Variants in BRF1 observed in about 807,000 individuals in gnomAD.
BRF1 encodes the protein transcription factor IIIB 90 kDa subunit.
Under a neutral mutation model 81.7 loss-of-function variants are expected in BRF1, and 59 were observed. That is an observed-to-expected ratio of 0.72 (90% CI 0.59 to 0.90). BRF1 has a LOEUF of 0.90. BRF1 is among the 40% of genes least tolerant of loss of function. The probability of loss-of-function intolerance (pLI) is 0.00; values close to 1 mark genes in which losing one functional copy is unlikely to be tolerated. For missense variants in BRF1, 1,050 were observed against 936.3 expected, an observed-to-expected ratio of 1.12 and a Z score of -1.58; for synonymous variants, 491 against 395.6, an observed-to-expected ratio of 1.24 and a Z score of -2.86.
rs1891800795 is a variant in BRF1, at chr14:105,219,016, G to A, written c.1497C>T (p.Gly499=). The A allele has an allele frequency of 1.2e-6, 2 of 1,613,768 alleles. No homozygotes were observed. Among genetic ancestry groups the A allele is most frequent in the Admixed American group, 1.7e-5 (1 of 60,002 alleles). ...CGCCCACCTTGTGTTCCTTGTAGAT[G>A]CCGAGCTCCTTCTCTTTCGCTATTC... ...EARIAKEKEL[G]IYKEHKPKKS... The change falls in exon 14 of 18, where the codon GGC becomes GGT. Residue 499 remains glycine, a synonymous_variant. Transcript: ENST00000547530.
upstream of BRF1, among the ~76,000 whole-genome samples, chr14:105,304,361 G>A (rs1046205191): frequency 9.9e-5 from 15 of 152,126 alleles, no homozygotes; most frequent in Non-Finnish European, 1.5e-4. Flanking sequence ...GATGGTGGGC[G>A]CCTGTAGTTC....
At chr14:105,277,799 G>C (rs1459458455) in intron 2 of BRF1, among the ~76,000 whole-genome samples, 1 of 152,176 alleles carries the variant, frequency 6.6e-6, no homozygotes, top group Non-Finnish European at 1.5e-5. Flanking sequence ...CTGTCACCCA[G>C]GCTAGAGTGC....
At chr14:105,266,973 G>A (rs2056444851) in intron 3 of BRF1, among the ~76,000 whole-genome samples, 1 of 152,056 alleles carries the variant, frequency 6.6e-6, no homozygotes, top group Admixed American at 6.6e-5. Context: ...AGCCTGGGAG[G>A]CAGAAGCTGC....
rs768148272 is a variant in BRF1 at position 105,226,170 on chromosome 14, A to G, written c.956-9T>C. On this transcript the variant is annotated splice_polypyrimidine_tract_variant and intron_variant, in intron 9 of 17. Transcript: ENST00000547530. ...GTAACTGGATATTTCACCTGAAGTC[A>G]TAAGTTAAAAGCAAAAAGTCAGCAT... 8 of 1,613,920 alleles carry G rather than the reference A, an allele frequency of 5.0e-6. No individual in the cohort carries two copies. The highest frequency in any genetic ancestry group is 4.5e-5 in the East Asian group (2 of 44,898).
At chr14:105,241,551 G>C in intron 5 of BRF1, 137 bp from the exon 6 acceptor site, 1 of 1,139,078 alleles carries the variant, frequency 8.8e-7, no homozygotes, top group Non-Finnish European at 1.2e-6. Flanking sequence ...CCCCTCCCCT[G>C]GACAAAGCCT....
chr14:105,248,958 G>A lies in BRF1; in HGVS notation c.544+3549C>T, dbSNP rs913970642. ...CGGCGCCGCCGTGGGCAGGAAGGCC[G>A]GGCCGCGCAGCCCGCCCAGCGCCCC... On this transcript the variant is annotated intron_variant, in intron 5 of 17. Transcript: ENST00000547530. The A allele has an allele frequency of 7.1e-6, 7 of 980,530 alleles. No individual in the cohort carries two copies. In the African/African-American group the frequency reaches 1.1e-4, roughly 15 times the overall value. 60.7% of individuals were successfully genotyped at this position (980,530 alleles called of 1,614,324 possible).
At chr14:105,253,602 C>T (rs756273409) in intron 4 of BRF1, among the ~76,000 whole-genome samples, 2 of 152,210 alleles carry the variant, frequency 1.3e-5, no homozygotes, top group African/African-American at 2.4e-5. Flanking sequence ...GTCCTGTCTG[C>T]GCTAGAGGCA....
chr14:105,241,767 G>T (rs587741632), intron 5 of BRF1: 13 of 307,686 alleles, frequency 4.2e-5, no homozygotes, highest in Middle Eastern at 2.1e-3. Context: ...ACGGTCCGGG[G>T]ACTCTTAGAG....
At chr14:105,265,054 G>GTTTTTTTTTT (rs587673120) in intron 3 of BRF1, among the ~76,000 whole-genome samples, 3 of 130,140 alleles carry the variant, frequency 2.3e-5, no homozygotes, top group Non-Finnish European at 1.6e-5. Context: ...CCTTTTTTTT[G>GTTTTTTTTTT]TTTTTTTTTT....
intron 2 of BRF1, among the ~76,000 whole-genome samples, chr14:105,285,908 A>G (rs896172298): frequency 1.3e-5 from 2 of 152,238 alleles, no homozygotes; most frequent in African/African-American, 4.8e-5. Flanking sequence ...TTTCAACTCA[A>G]TCATAAGACA....
intron 3 of BRF1, among the ~76,000 whole-genome samples, chr14:105,265,054 G>GTTT (rs587673120): frequency 0.012 from 1,558 of 129,692 alleles, 91 homozygotes; most frequent in African/African-American, 0.026. Context: ...CCTTTTTTTT[G>GTTT]TTTTTTTTTT....
chr14:105,262,246 A>T (rs1566846586), intron 3 of BRF1, among the ~76,000 whole-genome samples: 1 of 152,028 alleles, frequency 6.6e-6, no homozygotes, highest in Non-Finnish European at 1.5e-5. Context: ...ACCCATCAAG[A>T]CCCAGGGCCT....
At chr14:105,292,198 G>C (rs1296955471) in intron 1 of BRF1, among the ~76,000 whole-genome samples, 1 of 151,748 alleles carries the variant, frequency 6.6e-6, no homozygotes, top group African/African-American at 2.4e-5. Context: ...TTTTTTTGAA[G>C]ACAAGACAGA....
chr14:105,268,038 G>A (rs887121658), intron 3 of BRF1, among the ~76,000 whole-genome samples: 1 of 152,054 alleles, frequency 6.6e-6, no homozygotes, highest in Non-Finnish European at 1.5e-5. Context: ...CGTGGGGACA[G>A]GTGATGGCAC....
Position 105,283,301 on chromosome 14 carries a change from C to T in BRF1, c.265+2995G>A, listed in dbSNP as rs587750296. ...GGCAGGAGCGGTGCCTGGCCCGGGG[C>T]AGGCGGGTGGGAGAGCTCACTGAGT... is the stretch of plus-strand genomic sequence containing the variant. On this transcript the variant is annotated intron_variant, in intron 2 of 17. Transcript: ENST00000547530. Among the ~76,000 whole-genome samples, 3 of 152,270 alleles carry T rather than the reference C, an allele frequency of 2.0e-5. No homozygotes were observed. The South Asian group carries it at 6.2e-4, about 32-fold the overall frequency.
At position 105,218,942 on chromosome 14, in the gene BRF1, C is replaced by T. The variant is rs1417430742; in HGVS notation, c.1515+56G>A. ...GGAAGGGACATTCCAGAGACATTTG[C>T]CCCCCGTAACCTGGACACCCCCAAG... is the stretch of plus-strand genomic sequence containing the variant. On this transcript the variant is annotated intron_variant, in intron 14 of 17. Coordinates refer to ENST00000547530, the MANE Select transcript of BRF1 (RefSeq NM_001519.4). The T allele has an allele frequency of 1.2e-5, 20 of 1,607,524 alleles. No individual in the cohort carries two copies. In the East Asian group the frequency reaches 2.9e-4, roughly 23 times the overall value.
Position 105,221,755 on chromosome 14 carries a change from C to T in BRF1, c.1208G>A (p.Gly403Asp). 2 of 1,610,936 alleles carry T rather than the reference C, an allele frequency of 1.2e-6. No individual in the cohort carries two copies. The highest frequency in any genetic ancestry group is 1.1e-5 in the South Asian group (1 of 90,930). ...CAGGGACCCCAGGGCCGGAGGTCTG[C>T]CGCCCCACTCGGGGCTTCCTGCTGC... is the stretch of plus-strand genomic sequence containing the variant. Reference protein sequence around the residue: ...SEAAGSPEWGGRPPALGSLLD... With the variant: ...SEAAGSPEWGDRPPALGSLLD... The change falls in exon 11 of 18, where the codon GGC becomes GAC. Residue 403 changes from glycine to aspartate, a missense_variant. Around this residue, in one of 2 missense-constraint regions of BRF1, gnomAD observed 1,043 missense variants for 915.4 expected, o/e 1.14. Transcript: ENST00000547530.
intron 7 of BRF1, among the ~76,000 whole-genome samples, chr14:105,228,466 C>T (rs1297999735): frequency 1.3e-5 from 2 of 151,874 alleles, no homozygotes; most frequent in East Asian, 3.9e-4. Flanking sequence ...ATCTCTTGGA[C>T]CCGGGAGGCA....
At chr14:105,249,197 C>T (rs748408110) in intron 5 of BRF1, 6 of 1,588,960 alleles carry the variant, frequency 3.8e-6, no homozygotes, top group South Asian at 3.4e-5. Context: ...GGCCGACGTG[C>T]ACTTCGTCGT....
Sources: allele counts gnomAD v4.1 joint callset (sites outside exome capture counted in the v4.1 genomes callset), GRCh38; gene constraint gnomAD v4.1.1; regional missense constraint gnomAD v4.1.1; transcripts MANE v1.5; gene names NCBI Gene and HGNC (gene_info 2026-07-23, HGNC 2026-07-21).